Variants in PTPRF observed in about 807,000 individuals in gnomAD.
PTPRF encodes receptor-type tyrosine-protein phosphatase F.
In PTPRF, 59 loss-of-function variants were observed where a neutral mutation model predicts 201.8. That is an observed-to-expected ratio of 0.29 (90% confidence interval 0.24 to 0.36). The LOEUF is 0.36. PTPRF is among the 10% of genes least tolerant of loss of function. The pLI, the probability that PTPRF is intolerant of heterozygous loss-of-function variation, is 1.00. For synonymous variants in PTPRF, 1,088 were observed against 1,089.7 expected, an observed-to-expected ratio of 1.00 and a Z score of 0.03; for missense variants, 2,132 against 2,690.5, an observed-to-expected ratio of 0.79 and a Z score of 4.59.
upstream of PTPRF, among the ~76,000 whole-genome samples, chr1:43,529,885 T>C (rs1201076258): frequency 6.6e-6 from 1 of 152,144 alleles, no homozygotes; most frequent in East Asian, 1.9e-4. Context: ...TTAAATTACA[T>C]TTAGAGGGCA....
At chr1:43,574,435 T>C (rs1646790381) in intron 6 of PTPRF, among the ~76,000 whole-genome samples, 1 of 152,218 alleles carries the variant, frequency 6.6e-6, no homozygotes, top group Non-Finnish European at 1.5e-5. Context: ...GAAAAATAGT[T>C]ATTTTTTTAA....
chr1:43,574,647 A>G (rs1646804477), intron 6 of PTPRF, among the ~76,000 whole-genome samples: 1 of 152,256 alleles, frequency 6.6e-6, no homozygotes, highest in African/African-American at 2.4e-5. Flanking sequence ...TAGTATTATG[A>G]AAACAGTTTT....
chr1:43,582,111 T>C (rs150479959), intron 7 of PTPRF, among the ~76,000 whole-genome samples: 256 of 152,338 alleles, frequency 1.7e-3, no homozygotes, highest in Middle Eastern at 3.4e-3. Context: ...CTTCGGTGTC[T>C]ACCTCACATC....
chr1:43,534,888 G>A (rs757208589), intron 1 of PTPRF, among the ~76,000 whole-genome samples: 17 of 152,140 alleles, frequency 1.1e-4, no homozygotes, highest in Non-Finnish European at 2.9e-5. Flanking sequence ...CTCTGAATCC[G>A]CTTCCTCATT....
intron 8 of PTPRF, among the ~76,000 whole-genome samples, chr1:43,589,274 C>T (rs550471106): frequency 2.6e-5 from 4 of 151,872 alleles, no homozygotes; most frequent in African/African-American, 9.7e-5. Flanking sequence ...TCTGTTTTAC[C>T]CTGGGAGATA....
Position 43,591,047 on chromosome 1 carries a change from G to T in PTPRF, c.1025G>T (p.Gly342Val), listed in dbSNP as rs767493242. The change falls in exon 9 of 34, where the codon GGG becomes GTG. Residue 342 changes from glycine to valine, a missense_variant. This residue lies in a region of PTPRF where 351 missense variants were observed against 401.7 expected (regional missense o/e 0.87). Coordinates refer to ENST00000359947, the MANE Select transcript of PTPRF (RefSeq NM_002840.5). ...AGTGTCACCCTCACCTGGGACTCTGGGAACTCGGAGCCTGTAACCTACTAT... is the reference window on the plus strand; with the variant it reads ...AGTGTCACCCTCACCTGGGACTCTGTGAACTCGGAGCCTGTAACCTACTAT... Reference protein sequence around the residue: ...ATSVTLTWDSGNSEPVTYYGI... With the variant: ...ATSVTLTWDSVNSEPVTYYGI... 1.9e-6 allele frequency: 3 copies of T among 1,614,042 alleles called. No homozygotes were observed. In the South Asian group the frequency reaches 3.3e-5, roughly 18 times the overall value.
chr1:43,531,990 C>T (rs1643596413), intron 1 of PTPRF, among the ~76,000 whole-genome samples: 1 of 152,184 alleles, frequency 6.6e-6, no homozygotes. Context: ...TTCTTTTTCC[C>T]CAGGTCACTC....
intron 5 of PTPRF, among the ~76,000 whole-genome samples, chr1:43,559,577 G>A (rs959071658): frequency 1.5e-5 from 1 of 68,318 alleles, no homozygotes; most frequent in African/African-American, 5.2e-5. Flanking sequence ...GCAGTAGACT[G>A]TGTGCAGCAG....
chr1:43,545,250 G>A lies in PTPRF; in HGVS notation c.91+84G>A, dbSNP rs368002739. On this transcript the variant is annotated intron_variant, in intron 3 of 33. Coordinates refer to ENST00000359947, the MANE Select transcript of PTPRF (RefSeq NM_002840.5). Reference sequence around the variant, plus strand: ...CAGGACTCTGGGATGGGGACAGACCGGCTACTAGGAGAGACAGGGTGGCCA... The same window carrying A: ...CAGGACTCTGGGATGGGGACAGACCAGCTACTAGGAGAGACAGGGTGGCCA... 126 of 1,402,094 alleles carry A rather than the reference G, an allele frequency of 9.0e-5. 1 individual carries two copies. In the East Asian group the frequency reaches 1.6e-3, roughly 18 times the overall value. 86.9% of individuals were successfully genotyped at this position (1,402,094 alleles called of 1,614,324 possible).
chr1:43,533,609 C>A (rs559352086), intron 1 of PTPRF, among the ~76,000 whole-genome samples: 22 of 152,248 alleles, frequency 1.4e-4, no homozygotes, highest in Admixed American at 1.3e-3. Flanking sequence ...AATTTCACTC[C>A]CTGTAAAATG....
chr1:43,545,504 T>C (rs1644605996), intron 3 of PTPRF, among the ~76,000 whole-genome samples: 1 of 152,026 alleles, frequency 6.6e-6, no homozygotes, highest in Admixed American at 6.5e-5. Context: ...GAAGGCACAG[T>C]GTGAGCTACA....
chr1:43,614,249 A>G (rs1424990771), intron 23 of PTPRF, among the ~76,000 whole-genome samples: 1 of 152,226 alleles, frequency 6.6e-6, no homozygotes, highest in Non-Finnish European at 1.5e-5. Flanking sequence ...TGAGTAGTGG[A>G]GCCAGGATTC....
At position 43,619,474 on chromosome 1, in the gene PTPRF, C is replaced by T. The variant is rs1658670493; in HGVS notation, c.4833C>T (p.Gly1611=). The T allele has an allele frequency of 3.7e-6, 6 of 1,613,932 alleles. No homozygotes were observed. Among genetic ancestry groups the T allele is most frequent in the African/African-American group, 1.3e-5 (1 of 74,936 alleles). The change falls in exon 28 of 34, where the codon GGC becomes GGT. Residue 1611 remains glycine, a synonymous_variant. Coordinates refer to ENST00000359947, the MANE Select transcript of PTPRF (RefSeq NM_002840.5). The stretch of plus-strand genomic sequence containing the variant: ...CGCTGCTGGAGGCTGCCACGTGCGG[C>T]CACACAGAGGTGCCTGCCCGCAACC... The part of the protein sequence containing the change: ...HEALLEAATC[G]HTEVPARNLY...
intron 23 of PTPRF, among the ~76,000 whole-genome samples, chr1:43,615,781 T>A (rs942381895): frequency 9.2e-5 from 14 of 151,978 alleles, no homozygotes; most frequent in Non-Finnish European, 1.5e-4. Context: ...TTAGCCAGGA[T>A]GGTCTCGATC....
upstream of PTPRF, among the ~76,000 whole-genome samples, chr1:43,522,799 G>A (rs549552089): frequency 6.6e-6 from 1 of 152,328 alleles, no homozygotes; most frequent in African/African-American, 2.4e-5. Flanking sequence ...TGAACCAGAA[G>A]CGTTGTGTTG....
At chr1:43,602,247 C>A in intron 14 of PTPRF, 150 bp downstream of exon 14, 1 of 931,112 alleles carries the variant, frequency 1.1e-6, no homozygotes, top group Non-Finnish European at 1.7e-6. Flanking sequence ...TAGACACAAG[C>A]ACTGAGCTGA....
chr1:43,588,250 C>T lies in PTPRF; in HGVS notation c.680-481C>T, dbSNP rs1231133104. ...GTGACTCCACGGCAGGTGGCTGTGT[C>T]CCTCTGGACTGGCCTTCTGCTCTGC... On this transcript the variant is annotated intron_variant, in intron 7 of 33. Coordinates refer to ENST00000359947, the MANE Select transcript of PTPRF (RefSeq NM_002840.5). This position sits in a 1 kb window ranked among gnomAD's most constrained non-coding sequence, Gnocchi z 5.3. 6.6e-6 allele frequency among the ~76,000 whole-genome samples: 1 copy of T among 152,160 alleles called. No homozygotes were observed. Among genetic ancestry groups the T allele is most frequent in the African/African-American group, 2.4e-5 (1 of 41,436 alleles).
chr1:43,536,559 CCTTGGACTCTG>C (rs1644023878), intron 1 of PTPRF, among the ~76,000 whole-genome samples: 1 of 152,180 alleles, frequency 6.6e-6, no homozygotes, highest in Admixed American at 6.5e-5. Context: ...CAGTTCCCTG[CCTTGGACTCTG>C]CCCCTCTGCC....
At chr1:43,558,933 G>C (rs536922943) in intron 5 of PTPRF, among the ~76,000 whole-genome samples, 2 of 152,220 alleles carry the variant, frequency 1.3e-5, no homozygotes, top group Non-Finnish European at 2.9e-5. Context: ...TCAGTGGTGT[G>C]GGGAGGGCAC....
Sources: allele counts gnomAD v4.1 joint callset (sites outside exome capture counted in the v4.1 genomes callset), GRCh38; gene constraint gnomAD v4.1.1; regional missense constraint gnomAD v4.1.1; non-coding constraint Gnocchi (gnomAD v3.1); transcripts MANE v1.5; gene names NCBI Gene and HGNC (gene_info 2026-07-23, HGNC 2026-07-21).